PRDM15: variants seen among roughly 807,000 people sequenced by gnomAD.
The protein encoded by PRDM15 is PR domain zinc finger protein 15.
In PRDM15, 64 loss-of-function variants were observed where a neutral mutation model predicts 128.6. The observed-to-expected ratio is 0.50, with a 90% CI of 0.41 to 0.61. PRDM15 has a LOEUF of 0.61. Among genes scored for constraint, PRDM15 ranks in the 20% least tolerant of loss-of-function variants. The pLI, the probability that PRDM15 is intolerant of heterozygous loss-of-function variation, is 0.00. For synonymous variants in PRDM15, 615 were observed against 621.8 expected, an observed-to-expected ratio of 0.99 and a Z score of 0.16; for missense variants, 1,242 against 1,569.1, an observed-to-expected ratio of 0.79 and a Z score of 3.52.
chr21:41,865,624 C>G (rs547850022), intron 1 of PRDM15, among the ~76,000 whole-genome samples: 2 of 152,224 alleles, frequency 1.3e-5, no homozygotes, highest in African/African-American at 4.8e-5. Flanking sequence ...CTCCCTGACA[C>G]CTTGCTCCCT....
intron 6 of PRDM15, among the ~76,000 whole-genome samples, chr21:41,840,298 T>A (rs996903242): frequency 1.2e-4 from 19 of 152,040 alleles, no homozygotes; most frequent in Admixed American, 1.1e-3. Context: ...TACAAAAAGT[T>A]AGCCGGGTGT....
intron 1 of PRDM15, chr21:41,871,599 C>T: frequency 1.2e-6 from 2 of 1,610,696 alleles, no homozygotes; most frequent in South Asian, 2.2e-5. Flanking sequence ...TGCTCACTGA[C>T]CCTCTGGTTC....
rs745325953 is a variant in PRDM15 at position 41,862,316 on chromosome 21, G to A, written c.-9-1944C>T. 2.1e-4 allele frequency among the ~76,000 whole-genome samples: 32 copies of A among 152,200 alleles called. No homozygotes were observed. Among genetic ancestry groups the A allele is most frequent in the Non-Finnish European group, 4.0e-4 (27 of 68,040 alleles). On this transcript the variant is annotated intron_variant, in intron 1 of 23. Transcript: ENST00000398548. The surrounding 1 kb of genome is among the most constrained non-coding windows in gnomAD (Gnocchi z 4.1). ...AAAGGTATTGGAATCGGAGTGGGAG[G>A]ATGGAAGGAAGTCGTCCTGGCCTTG...
chr21:41,801,095 G>A lies in PRDM15; in HGVS notation c.*145C>T, dbSNP rs191960107. 7 of 1,175,204 alleles carry A rather than the reference G, an allele frequency of 6.0e-6. No homozygotes were observed. Among genetic ancestry groups the A allele is most frequent in the East Asian group, 2.4e-5 (1 of 41,060 alleles). 72.8% of individuals were successfully genotyped at this position (1,175,204 alleles called of 1,614,324 possible). A position where few individuals can be genotyped will look rare whatever the true frequency, so the allele number is the denominator to read the frequency against. On this transcript the variant is annotated 3_prime_UTR_variant, in exon 24 of 24. Coordinates refer to ENST00000398548, the MANE Select transcript of PRDM15 (RefSeq NM_001040424.3). ...CTGACAGACCGTAATGGTTGCTGGC[G>A]GGGGATCTGGAGATACTCTGCAAAG...
chr21:41,828,046 C>T lies in PRDM15; in HGVS notation c.1534+120G>A. ...CCATCGGATGGCGGGCGTTTCCAGG[C>T]AAAGGAGCAGGCGGCACCGAACTGC... is the stretch of plus-strand genomic sequence containing the variant. On this transcript the variant is annotated intron_variant, in intron 12 of 23. Coordinates refer to ENST00000398548, the MANE Select transcript of PRDM15 (RefSeq NM_001040424.3). The surrounding 1 kb of genome is among the most constrained non-coding windows in gnomAD (Gnocchi z 5.7). 1.0e-6 allele frequency: 1 copy of T among 1,004,792 alleles called. No individual in the cohort carries two copies. The highest frequency in any genetic ancestry group is 1.5e-6 in the Non-Finnish European group (1 of 673,992). The allele number at this position is 1,004,792 out of a possible 1,614,324, so 62.2% of individuals were successfully genotyped here.
chr21:41,802,666 G>C, intron 23 of PRDM15, 46 bp downstream of exon 23: 1 of 1,517,752 alleles, frequency 6.6e-7, no homozygotes, highest in East Asian at 2.3e-5. Context: ...CTCATGCTTA[G>C]GGAAAGTGAC....
intron 3 of PRDM15, among the ~76,000 whole-genome samples, chr21:41,858,682 G>A (rs1246051931): frequency 2.0e-5 from 3 of 152,220 alleles, no homozygotes; most frequent in African/African-American, 7.2e-5. Flanking sequence ...CCAGCACGGA[G>A]GGTCTGACTG....
At chr21:41,855,486 C>T (rs1448868937) in intron 4 of PRDM15, among the ~76,000 whole-genome samples, 1 of 152,204 alleles carries the variant, frequency 6.6e-6, no homozygotes, top group East Asian at 1.9e-4. Context: ...GAGCTCTCCC[C>T]TCTCCTAAGC....
At chr21:41,839,226 G>C (rs1361288051) in intron 7 of PRDM15, among the ~76,000 whole-genome samples, 1 of 152,220 alleles carries the variant, frequency 6.6e-6, no homozygotes, top group Non-Finnish European at 1.5e-5. Context: ...AACCACGTGG[G>C]CGGGTCTCGA....
In PRDM15 at chr21:41,859,854, C is replaced by T. The variant is rs547563639; in HGVS notation, c.38-169G>A. Among the ~76,000 whole-genome samples the T allele has an allele frequency of 6.6e-6, 1 of 152,204 alleles. No homozygotes were observed. The highest frequency in any genetic ancestry group is 2.1e-4 in the South Asian group (1 of 4,812). ...GGAGGGTGCATTGGATGGCAGAAGG[C>T]CTGTGTCCCGAAGGCCTCTGTCAGC... On this transcript the variant is annotated intron_variant, in intron 2 of 23. Transcript: ENST00000398548. This position sits in a 1 kb window ranked among gnomAD's most constrained non-coding sequence, Gnocchi z 5.3.
rs115319922 is a variant in PRDM15 at position 41,862,084 on chromosome 21, C to A, written c.-9-1712G>T. On this transcript the variant is annotated intron_variant, in intron 1 of 23. Transcript: ENST00000398548. The surrounding 1 kb of genome is among the most constrained non-coding windows in gnomAD (Gnocchi z 4.1). ...AGCTGGGCAGTGAGCAGGAGATGAA[C>A]AGGACAAAGGGCAGAAGAAACCCAG... The A allele has an allele frequency of 2.8e-6, 3 of 1,052,994 alleles. No individual in the cohort carries two copies. Among genetic ancestry groups the A allele is most frequent in the Non-Finnish European group, 4.4e-6 (3 of 687,238 alleles). The allele number at this position is 1,052,994 out of a possible 1,614,324, so 65.2% of individuals were successfully genotyped here.
At chr21:41,865,392 G>A (rs1030998961) in intron 1 of PRDM15, among the ~76,000 whole-genome samples, 1 of 152,192 alleles carries the variant, frequency 6.6e-6, no homozygotes, top group Admixed American at 6.5e-5. Flanking sequence ...ACGGCCAAGA[G>A]GGCAAGGCTT....
chr21:41,822,684 GT>G (rs1291084234), intron 14 of PRDM15, among the ~76,000 whole-genome samples: 2 of 152,184 alleles, frequency 1.3e-5, no homozygotes, highest in African/African-American at 4.8e-5. Context: ...CCAGGAAATG[GT>G]ATCAGGAAGC....
intron 13 of PRDM15, among the ~76,000 whole-genome samples, chr21:41,824,096 C>T (rs987757765): frequency 1.3e-5 from 2 of 152,204 alleles, no homozygotes; most frequent in East Asian, 1.9e-4. Context: ...CAGAACTCTG[C>T]GGGTCTCTAT....
intron 5 of PRDM15, among the ~76,000 whole-genome samples, chr21:41,850,644 G>C (rs1475705049): frequency 1.3e-5 from 2 of 152,122 alleles, no homozygotes; most frequent in Non-Finnish European, 2.9e-5. Context: ...TGAGGTGGGA[G>C]GATCACTTGA....
chr21:41,873,017 T>C (rs947760605), intron 1 of PRDM15, among the ~76,000 whole-genome samples: 1 of 152,138 alleles, frequency 6.6e-6, no homozygotes, highest in African/African-American at 2.4e-5. Flanking sequence ...ACCCTGCGAT[T>C]GCGTCTCCTT....
Position 41,818,480 on chromosome 21 carries a change from G to A in PRDM15, c.2260+1102C>T, listed in dbSNP as rs545938009. 1.3e-4 allele frequency among the ~76,000 whole-genome samples: 19 copies of A among 151,910 alleles called. No homozygotes were observed. In the East Asian group the frequency reaches 1.9e-3, roughly 15 times the overall value. ...CTTTTTTAATAACCACCCATGTGCC[G>A]TCCTTGCGCAAAGTTACCCTGGAGG... is the stretch of plus-strand genomic sequence containing the variant. On this transcript the variant is annotated intron_variant, in intron 18 of 23. Transcript: ENST00000398548.
intron 10 of PRDM15, 123 bp downstream of exon 10, chr21:41,835,990 A>G: frequency 8.1e-6 from 1 of 124,072 alleles, no homozygotes. Flanking sequence ...TCCCTCCCCC[A>G]CAGCCCCCGC....
intron 21 of PRDM15, among the ~76,000 whole-genome samples, chr21:41,805,724 C>G (rs2061540078): frequency 6.6e-6 from 1 of 151,762 alleles, no homozygotes; most frequent in African/African-American, 2.4e-5. Context: ...CCACCATAAG[C>G]ACCACCACCA....
Sources: gnomAD v4.1 joint callset for allele counts (sites outside exome capture counted in the v4.1 genomes callset) on GRCh38, gnomAD v4.1.1 for gene constraint, Gnocchi (gnomAD v3.1) non-coding constraint, MANE v1.5 for transcripts, NCBI Gene and HGNC (gene_info 2026-07-23, HGNC 2026-07-21) for gene names.